The following SSC4D variants were observed in gnomAD, a reference collection of about 807,000 sequenced individuals.
SSC4D encodes the protein scavenger receptor cysteine rich family member with 4 domains, also known as scavenger receptor cysteine-rich domain-containing group B protein.
Under a neutral mutation model 63.4 loss-of-function variants are expected in SSC4D, and 57 were observed. The ratio of observed to expected loss-of-function variants is 0.90; its 90% CI spans 0.73 to 1.12. The LOEUF (loss-of-function observed/expected upper bound fraction) is 1.12. Ranked by LOEUF, SSC4D falls within the 50% of genes most tolerant of loss-of-function variation. The probability of loss-of-function intolerance (pLI) is 0.00; values close to 1 mark genes in which losing one functional copy is unlikely to be tolerated. For synonymous variants in SSC4D, 352 were observed against 345.4 expected, an observed-to-expected ratio of 1.02 and a Z score of -0.21; for missense variants, 791 against 806.4, an observed-to-expected ratio of 0.98 and a Z score of 0.23.
rs370332422 is a variant in SSC4D, at chr7:76,399,061, G to A, written c.476-264C>T. 1.2e-4 allele frequency among the ~76,000 whole-genome samples: 18 copies of A among 152,162 alleles called. 1 individual carries two copies. The South Asian group carries it at 3.7e-3, about 32-fold the overall frequency. On this transcript the variant is annotated intron_variant, in intron 4 of 10. Coordinates refer to ENST00000275560, the MANE Select transcript of SSC4D (RefSeq NM_080744.2). The stretch of plus-strand genomic sequence containing the variant: ...GAGTCTTGCTCTGTCGCTCAGGCTG[G>A]AGTGCAATGGTGCAATCTCAGCTTG...
chr7:76,395,035 T>C (rs1363292096), intron 7 of SSC4D, among the ~76,000 whole-genome samples: 1 of 151,922 alleles, frequency 6.6e-6, no homozygotes, highest in African/African-American at 2.4e-5. Context: ...AAGAAATCTC[T>C]TACTGCCTCC....
rs1804609072 is a variant in SSC4D at position 76,395,237 on chromosome 7, G to T, written c.946+16C>A. On this transcript the variant is annotated intron_variant, in intron 7 of 10. Coordinates refer to ENST00000275560, the MANE Select transcript of SSC4D (RefSeq NM_080744.2). ...CATACCCCTACCATTCCCGCCTGGA[G>T]GGCTGAGCTCTTTACCGGACGGATC... is the stretch of plus-strand genomic sequence containing the variant. 2 of 1,613,470 alleles carry T rather than the reference G, an allele frequency of 1.2e-6. No homozygotes were observed. Among genetic ancestry groups the T allele is most frequent in the African/African-American group, 1.3e-5 (1 of 75,034 alleles).
intron 1 of SSC4D, among the ~76,000 whole-genome samples, chr7:76,408,741 C>A (rs557215826): frequency 6.6e-6 from 1 of 152,192 alleles, no homozygotes; most frequent in Non-Finnish European, 1.5e-5. Flanking sequence ...TCCTGCTTCA[C>A]GCCCAAGGGA....
intron 4 of SSC4D, 27 bp downstream of exon 4, chr7:76,400,259 C>A: frequency 7.0e-7 from 1 of 1,436,734 alleles, no homozygotes; most frequent in South Asian, 1.6e-5. Context: ...GTCTGTCTGT[C>A]CCTCCAGGTC....
At position 76,400,363 on chromosome 7, in the gene SSC4D, G is replaced by A. The variant is rs144685336; in HGVS notation, c.398C>T (p.Ala133Val). 56 of 1,582,362 alleles carry A rather than the reference G, an allele frequency of 3.5e-5. No homozygotes were observed. In the Admixed American group the frequency reaches 6.6e-4, roughly 19 times the overall value. The change falls in exon 4 of 11, where the codon GCG becomes GTG. Residue 133 changes from alanine (A) to valine (V), a missense_variant. Ala to Val is a moderately conservative substitution (Grantham distance 64, BLOSUM62 0). Coordinates refer to ENST00000275560, the MANE Select transcript of SSC4D (RefSeq NM_080744.2). ...DNVECRGQEA[A>V]LSECGSRGWG... ...GCCGCGGCTGCCGCACTCGCTCAGC[G>A]CAGCTTCCTGCCCGCGGCACTCCAC...
intron 1 of SSC4D, among the ~76,000 whole-genome samples, chr7:76,405,270 A>ATT (rs1387346684): frequency 0.041 from 759 of 18,468 alleles, 44 homozygotes; most frequent in Non-Finnish European, 0.053. Context: ...CACCCAGCTA[A>ATT]TTATATATAT....
rs370595893 is a variant in SSC4D at position 76,390,345 on chromosome 7, C to T, written c.1442G>A (p.Arg481Gln). 1.6e-5 allele frequency: 26 copies of T among 1,602,496 alleles called. 1 individual carries two copies. Among genetic ancestry groups the T allele is most frequent in the Admixed American group, 3.4e-5 (2 of 59,226 alleles). Residue 481 changes from arginine (R) to glutamine (Q), a missense_variant, in exon 11 of 11, where the codon CGA becomes CAA. By Grantham distance (43) the Arg-to-Gln change is conservative. Coordinates refer to ENST00000275560, the MANE Select transcript of SSC4D (RefSeq NM_080744.2). ...GHLRLVNGAH[R>Q]CEGRVELYLG... The stretch of plus-strand genomic sequence containing the variant: ...GTAGAGCTCTACACGTCCCTCGCAT[C>T]GGTGGGCTCCATTGACCAGACGTAG...
At chr7:76,407,313 T>C (rs1805069065) in intron 1 of SSC4D, among the ~76,000 whole-genome samples, 2 of 151,246 alleles carry the variant, frequency 1.3e-5, no homozygotes, top group Admixed American at 1.3e-4. Flanking sequence ...TGTGAGCACT[T>C]TGGGAAGCTG....
In SSC4D at chr7:76,390,358, T is replaced by C. The variant is rs1804469108; in HGVS notation, c.1429A>G (p.Asn477Asp). The change falls in exon 11 of 11, where the codon AAT (asparagine) becomes GAT (aspartate). Residue 477 changes from asparagine (N) to aspartate (D), a missense_variant. Asn to Asp is a conservative substitution (Grantham distance 23). Coordinates refer to ENST00000275560, the MANE Select transcript of SSC4D (RefSeq NM_080744.2). ...CGTCCCTCGCATCGGTGGGCTCCAT[T>C]GACCAGACGTAGATGCCCTGTGGGG... The part of the protein sequence containing the change: ...RPRDGHLRLV[N>D]GAHRCEGRVE... The C allele has an allele frequency of 6.3e-7, 1 of 1,592,716 alleles. No individual in the cohort carries two copies. Among genetic ancestry groups the C allele is most frequent in the East Asian group, 2.2e-5 (1 of 44,674 alleles).
intron 1 of SSC4D, among the ~76,000 whole-genome samples, chr7:76,408,793 A>G (rs1040140315): frequency 6.6e-6 from 1 of 152,118 alleles, no homozygotes; most frequent in Non-Finnish European, 1.5e-5. Flanking sequence ...GTCCTTGGTG[A>G]TTAGGGCTCT....
intron 5 of SSC4D, among the ~76,000 whole-genome samples, chr7:76,398,512 C>T (rs989094658): frequency 6.6e-6 from 1 of 152,106 alleles, no homozygotes; most frequent in East Asian, 1.9e-4. Context: ...ACCATGTTGG[C>T]CAGTCTGGTC....
chr7:76,401,255 A>G (rs1804818913), intron 2 of SSC4D, among the ~76,000 whole-genome samples: 2 of 152,098 alleles, frequency 1.3e-5, no homozygotes, highest in Admixed American at 6.6e-5. Context: ...CCCTGGGCCA[A>G]CCTAGAGAGA....
Position 76,397,721 on chromosome 7 carries a change from TC to T in SSC4D, c.664del (p.Asp222MetfsTer199). ...TVCDDDWGLP[D>X]AAVVCRQLGC... Reference sequence around the variant, plus strand: ...CAGCTGACGACAGACCACAGCGGCATCCGGCAGCCCCCAGTCGTCGTCACAC... The same window carrying T: ...CAGCTGACGACAGACCACAGCGGCATCGGCAGCCCCCAGTCGTCGTCACAC... On this transcript the variant is annotated frameshift_variant, in exon 6 of 11. Transcript: ENST00000275560. LOFTEE classifies it high-confidence loss of function. 2 of 1,613,344 alleles carry T rather than the reference TC, an allele frequency of 1.2e-6. No individual in the cohort carries two copies. Among genetic ancestry groups the T allele is most frequent in the Non-Finnish European group, 1.7e-6 (2 of 1,179,838 alleles).
intron 2 of SSC4D, among the ~76,000 whole-genome samples, chr7:76,402,182 A>AT (rs57389874): frequency 0.069 from 8,764 of 127,176 alleles, 416 homozygotes; most frequent in East Asian, 0.15. Context: ...CTGCCCAGCT[A>AT]TTTTTTTTTT....
intron 9 of SSC4D, 74 bp from the exon 10 acceptor site, chr7:76,392,115 C>T: frequency 6.9e-6 from 10 of 1,444,618 alleles, no homozygotes; most frequent in Non-Finnish European, 8.5e-6. Flanking sequence ...CAGGTCCCCT[C>T]CTGCTCTCCC....
chr7:76,394,120 T>A lies in SSC4D; in HGVS notation c.947-216A>T, dbSNP rs112878974. On this transcript the variant is annotated intron_variant, in intron 7 of 10. Coordinates refer to ENST00000275560, the MANE Select transcript of SSC4D (RefSeq NM_080744.2). ...AGCTAATTCTAGGTATTATCCTAACTTCAGGCCCAGGGATAGTTCCTATCC... is the reference window on the plus strand; with the variant it reads ...AGCTAATTCTAGGTATTATCCTAACATCAGGCCCAGGGATAGTTCCTATCC... 3.7e-3 allele frequency among the ~76,000 whole-genome samples: 565 copies of A among 152,312 alleles called. 3 individuals carry two copies. Among genetic ancestry groups the A allele is most frequent in the African/African-American group, 0.013 (540 of 41,570 alleles).
chr7:76,394,249 G>T (rs932366533), intron 7 of SSC4D, among the ~76,000 whole-genome samples: 5 of 151,940 alleles, frequency 3.3e-5, no homozygotes, highest in Non-Finnish European at 5.9e-5. Flanking sequence ...TGAAAAAAAA[G>T]TTTTTTTAAT....
At chr7:76,400,967 C>A (rs377248126) in intron 3 of SSC4D, 41 bp downstream of exon 3, 2 of 1,550,670 alleles carry the variant, frequency 1.3e-6, no homozygotes, top group Non-Finnish European at 1.7e-6. Flanking sequence ...GAGTACCTGG[C>A]GGACAGGTGA....
rs1361783462 is a variant in SSC4D at position 76,393,823 on chromosome 7, C to T, written c.1021+7G>A. On this transcript the variant is annotated splice_region_variant and intron_variant, in intron 8 of 10. Transcript: ENST00000275560. The stretch of plus-strand genomic sequence containing the variant: ...CATCCCCCGCAGACCCAGGCACCGC[C>T]ACTTACTTTTCTTCCCCGCGGCCCA... 2 of 1,588,054 alleles carry T rather than the reference C, an allele frequency of 1.3e-6. No homozygotes were observed. The highest frequency in any genetic ancestry group is 1.7e-6 in the Non-Finnish European group (2 of 1,165,700).
Sources: allele counts gnomAD v4.1 joint callset (sites outside exome capture counted in the v4.1 genomes callset), GRCh38; gene constraint gnomAD v4.1.1; transcripts MANE v1.5; gene names NCBI Gene and HGNC (gene_info 2026-07-23, HGNC 2026-07-21).